The following PAPSS1 variants were observed in gnomAD, a reference collection of about 807,000 sequenced individuals.
PAPSS1 encodes bifunctional 3'-phosphoadenosine 5'-phosphosulfate synthase 1.
In PAPSS1, 50 loss-of-function variants were observed where a neutral mutation model predicts 72.0. That is an observed-to-expected ratio of 0.69 (90% CI 0.55 to 0.88). The LOEUF (loss-of-function observed/expected upper bound fraction) is 0.88. PAPSS1 is among the 40% of genes least tolerant of loss of function. The probability of loss-of-function intolerance (pLI) is 0.00; values close to 1 mark genes in which losing one functional copy is unlikely to be tolerated. For synonymous variants in PAPSS1, 261 were observed against 263.6 expected, an observed-to-expected ratio of 0.99 and a Z score of 0.09; for missense variants, 657 against 782.2, an observed-to-expected ratio of 0.84 and a Z score of 1.91.
chr4:107,648,020 A>C (rs1726738519), intron 9 of PAPSS1, among the ~76,000 whole-genome samples: 1 of 152,128 alleles, frequency 6.6e-6, no homozygotes, highest in African/African-American at 2.4e-5. Context: ...TCACATCTCA[A>C]GCCAAATTTG....
chr4:107,643,463 G>A (rs1726608901), intron 10 of PAPSS1, among the ~76,000 whole-genome samples: 1 of 152,138 alleles, frequency 6.6e-6, no homozygotes. Context: ...CACTGAGACT[G>A]AACTGTAGCT....
intron 10 of PAPSS1, among the ~76,000 whole-genome samples, chr4:107,637,204 A>G (rs1726407169): frequency 6.6e-6 from 1 of 152,188 alleles, no homozygotes; most frequent in Non-Finnish European, 1.5e-5. Flanking sequence ...TCATCCCAAT[A>G]TGGCATGTTA....
At chr4:107,691,039 T>C (rs564641383) in intron 3 of PAPSS1, among the ~76,000 whole-genome samples, 81 of 152,290 alleles carry the variant, frequency 5.3e-4, no homozygotes, top group African/African-American at 1.8e-3. Context: ...TAAACTGATA[T>C]ATTGGCAATG....
chr4:107,657,878 A>T (rs1432333686), intron 6 of PAPSS1, among the ~76,000 whole-genome samples: 1 of 152,172 alleles, frequency 6.6e-6, no homozygotes, highest in Non-Finnish European at 1.5e-5. Flanking sequence ...AGAAGACTTC[A>T]CCTTTATCTG....
At chr4:107,694,826 A>G in intron 2 of PAPSS1, among the ~76,000 whole-genome samples, 1 of 152,328 alleles carries the variant, frequency 6.6e-6, no homozygotes, top group East Asian at 1.9e-4. Flanking sequence ...ACATTTATGC[A>G]CTATTACTTG....
chr4:107,692,331 T>A (rs1241990665), intron 3 of PAPSS1, among the ~76,000 whole-genome samples: 1 of 152,034 alleles, frequency 6.6e-6, no homozygotes, highest in Non-Finnish European at 1.5e-5. Context: ...GCAAAGGGTA[T>A]GAACAGACAC....
chr4:107,678,797 A>G (rs866907899), intron 5 of PAPSS1, among the ~76,000 whole-genome samples: 1 of 152,132 alleles, frequency 6.6e-6, no homozygotes, highest in South Asian at 2.1e-4. Flanking sequence ...ACAGGCAAAA[A>G]AACTATGCTC....
At chr4:107,710,771 G>A (rs1223955536) in intron 1 of PAPSS1, among the ~76,000 whole-genome samples, 1 of 152,090 alleles carries the variant, frequency 6.6e-6, no homozygotes, top group Non-Finnish European at 1.5e-5. Flanking sequence ...CTGTGTCCTG[G>A]CTCGCTCCTG....
chr4:107,672,771 G>A (rs1479926440), intron 5 of PAPSS1, among the ~76,000 whole-genome samples: 1 of 152,212 alleles, frequency 6.6e-6, no homozygotes, highest in Non-Finnish European at 1.5e-5. Context: ...ACTGCCTCAA[G>A]TGGGTCCCTG....
intron 11 of PAPSS1, among the ~76,000 whole-genome samples, chr4:107,615,939 C>A (rs115969831): frequency 1.7e-3 from 252 of 152,226 alleles, no homozygotes; most frequent in African/African-American, 5.6e-3. Context: ...CACCAGACAC[C>A]GCATCTGCTG....
intron 2 of PAPSS1, among the ~76,000 whole-genome samples, chr4:107,700,017 A>G (rs913403193): frequency 6.6e-6 from 1 of 152,232 alleles, no homozygotes; most frequent in Non-Finnish European, 1.5e-5. Context: ...ATTAAGTGCT[A>G]TAAACCTGGG....
chr4:107,686,789 T>A (rs183118512), intron 4 of PAPSS1, among the ~76,000 whole-genome samples: 1 of 152,242 alleles, frequency 6.6e-6, no homozygotes, highest in African/African-American at 2.4e-5. Flanking sequence ...ATCAAGTAGG[T>A]TTTCGCCAAC....
At chr4:107,617,063 G>C (rs1221278671) in intron 11 of PAPSS1, among the ~76,000 whole-genome samples, 1 of 151,992 alleles carries the variant, frequency 6.6e-6, no homozygotes, top group Non-Finnish European at 1.5e-5. Context: ...CCACTCACTA[G>C]GGTGGGCTCT....
intron 1 of PAPSS1, 150 bp downstream of exon 1, chr4:107,719,970 C>G: frequency 2.8e-6 from 4 of 1,428,418 alleles, no homozygotes; most frequent in Non-Finnish European, 3.6e-6. Context: ...CACCCACGGC[C>G]CCAGCCGGGA....
At chr4:107,645,811 T>C (rs1256860668) in intron 9 of PAPSS1, among the ~76,000 whole-genome samples, 4 of 152,150 alleles carry the variant, frequency 2.6e-5, no homozygotes, top group African/African-American at 9.7e-5. Flanking sequence ...CAAAGCATCA[T>C]GCCATGCTGA....
chr4:107,631,763 T>C lies in PAPSS1; in HGVS notation c.1604A>G (p.Asp535Gly). Residue 535 changes from aspartate to glycine, a missense_variant, in exon 11 of 12, where the codon GAT becomes GGT. Around this residue, in one of 7 missense-constraint regions of PAPSS1, gnomAD observed 166 missense variants for 228.3 expected, o/e 0.73. Coordinates refer to ENST00000265174, the MANE Select transcript of PAPSS1 (RefSeq NM_005443.5). ...AGMPHPETGK[D>G]LYEPSHGAKV... is the part of the protein sequence containing the mutation. ...GGCACCATGACTTGGCTCATAAAGA[T>C]CCTTCCCTGTTTCTGGATGAGGCAT... 1 of 1,614,090 alleles carries C rather than the reference T, an allele frequency of 6.2e-7. No individual in the cohort carries two copies. Among genetic ancestry groups the C allele is most frequent in the Admixed American group, 1.7e-5 (1 of 60,004 alleles).
intron 4 of PAPSS1, among the ~76,000 whole-genome samples, chr4:107,683,202 T>C (rs1722681724): frequency 6.6e-6 from 1 of 152,172 alleles, no homozygotes; most frequent in Admixed American, 6.6e-5. Flanking sequence ...AAAATACAGC[T>C]AGCAAAAGAG....
Position 107,682,045 on chromosome 4 carries a change from G to T in PAPSS1, c.639C>A (p.Val213=). The T allele has an allele frequency of 6.2e-7, 1 of 1,601,776 alleles. No individual in the cohort carries two copies. The highest frequency in any genetic ancestry group is 8.5e-7 in the Non-Finnish European group (1 of 1,170,686). The change falls in exon 5 of 12, where the codon GTC becomes GTA. Residue 213 remains valine (V), a synonymous_variant. Coordinates refer to ENST00000265174, the MANE Select transcript of PAPSS1 (RefSeq NM_005443.5). ...KTDSCDVNDC[V]QQVVELLQER... Reference sequence around the variant, plus strand: ...CCTGTAGAAGTTCCACAACTTGCTGGACACAGTCATTTACATCACAGGAGT... The same window carrying T: ...CCTGTAGAAGTTCCACAACTTGCTGTACACAGTCATTTACATCACAGGAGT...
intron 5 of PAPSS1, among the ~76,000 whole-genome samples, chr4:107,676,713 G>A (rs1727661600): frequency 6.6e-6 from 1 of 152,100 alleles, no homozygotes; most frequent in African/African-American, 2.4e-5. Flanking sequence ...CCAAAAAAGG[G>A]CCCACATTGC....
Sources: allele counts gnomAD v4.1 joint callset (sites outside exome capture counted in the v4.1 genomes callset), GRCh38; gene constraint gnomAD v4.1.1; regional missense constraint gnomAD v4.1.1; transcripts MANE v1.5; gene names NCBI Gene and HGNC (gene_info 2026-07-23, HGNC 2026-07-21).